HERC4: variants seen among roughly 807,000 people sequenced by gnomAD.
The protein encoded by HERC4 is probable E3 ubiquitin-protein ligase HERC4.
Under a neutral mutation model 124.3 loss-of-function variants are expected in HERC4, and 28 were observed. That is an observed-to-expected ratio of 0.23 (90% confidence interval 0.17 to 0.31). The LOEUF (loss-of-function observed/expected upper bound fraction) is 0.31. HERC4 is among the 10% of genes least tolerant of loss of function. The pLI is 1.00. For synonymous variants in HERC4, 407 were observed against 421.5 expected (o/e 0.97, Z 0.42); for missense variants, 713 against 1,229.3 (o/e 0.58, Z 6.28).
chr10:67,990,671 C>T (rs892454040), intron 13 of HERC4, among the ~76,000 whole-genome samples: 2 of 152,070 alleles, frequency 1.3e-5, no homozygotes, highest in African/African-American at 2.4e-5. Flanking sequence ...TATAACCATA[C>T]ACAAACTTAA....
intron 23 of HERC4, among the ~76,000 whole-genome samples, chr10:67,927,426 A>AT (rs2031223112): frequency 2.3e-4 from 2 of 8,868 alleles, no homozygotes; most frequent in African/African-American, 2.7e-4. Flanking sequence ...ATATATATAT[A>AT]TATATTTTTT....
At chr10:68,073,800 A>G (rs766369879) in intron 1 of HERC4, 114 bp from the exon 2 acceptor site, 2 of 152,212 alleles carry the variant, frequency 1.3e-5, no homozygotes, top group Non-Finnish European at 2.9e-5. Context: ...TTACCAAACC[A>G]TAATCTTAAA....
chr10:68,063,461 G>C (rs981855598), intron 3 of HERC4, among the ~76,000 whole-genome samples: 1 of 152,066 alleles, frequency 6.6e-6, no homozygotes, highest in African/African-American at 2.4e-5. Flanking sequence ...ACTTGTGTCA[G>C]CCTCCCAAAG....
intron 15 of HERC4, among the ~76,000 whole-genome samples, chr10:67,971,259 T>C (rs1450748116): frequency 6.6e-6 from 1 of 151,896 alleles, no homozygotes; most frequent in Non-Finnish European, 1.5e-5. Flanking sequence ...TTTCAGAAAA[T>C]AAAGAAGGAT....
At position 68,043,506 on chromosome 10, in the gene HERC4, T is replaced by TA. The variant is rs1408349866; in HGVS notation, c.386+897dup. ...TTTTTACCTATGTAATTCATGCTGT[T>TA]AGAGTTTTTAATATTAAAACAATGA... On this transcript the variant is annotated intron_variant, in intron 4 of 24. Coordinates refer to ENST00000373700, the MANE Select transcript of HERC4 (RefSeq NM_015601.4). Among the ~76,000 whole-genome samples the TA allele has an allele frequency of 2.0e-5, 3 of 152,268 alleles. No individual in the cohort carries two copies. In the South Asian group the frequency reaches 6.2e-4, roughly 32 times the overall value.
chr10:68,044,937 T>C (rs1185604537), intron 3 of HERC4, among the ~76,000 whole-genome samples: 1 of 152,114 alleles, frequency 6.6e-6, no homozygotes, highest in Non-Finnish European at 1.5e-5. Context: ...GAAGAAATCA[T>C]TTAAATAACC....
At chr10:68,046,914 C>T (rs759293968) in intron 3 of HERC4, among the ~76,000 whole-genome samples, 1 of 152,032 alleles carries the variant, frequency 6.6e-6, no homozygotes, top group Non-Finnish European at 1.5e-5. Context: ...GCTGTGATCA[C>T]GCCACTGTAT....
At chr10:67,986,877 T>C (rs2036292734) in intron 15 of HERC4, among the ~76,000 whole-genome samples, 1 of 152,148 alleles carries the variant, frequency 6.6e-6, no homozygotes. Context: ...TATGAACTTC[T>C]AGATCTAGGG....
chr10:68,036,959 G>C (rs1215254237), intron 5 of HERC4, among the ~76,000 whole-genome samples: 1 of 151,848 alleles, frequency 6.6e-6, no homozygotes, highest in Non-Finnish European at 1.5e-5. Context: ...TCTTTCACTA[G>C]ATTGTATGAT....
At chr10:67,952,793 G>C (rs938024644) in intron 19 of HERC4, among the ~76,000 whole-genome samples, 5 of 151,646 alleles carry the variant, frequency 3.3e-5, no homozygotes, top group Admixed American at 3.3e-4. Context: ...CCAGCTACTC[G>C]GGAGGCTGAG....
At chr10:68,070,620 A>T (rs1048677617) in intron 3 of HERC4, 10 of 151,664 alleles carry the variant, frequency 6.6e-5, no homozygotes, top group Admixed American at 3.3e-4. Flanking sequence ...AAAAAAAATA[A>T]AAATAAAAAT....
chr10:68,015,871 G>C (rs577895789), intron 8 of HERC4, among the ~76,000 whole-genome samples: 4 of 152,252 alleles, frequency 2.6e-5, no homozygotes, highest in African/African-American at 9.6e-5. Context: ...GGGAGACCGA[G>C]GCAGGTGGAT....
At chr10:68,044,302 G>A in intron 4 of HERC4, 102 bp downstream of exon 4, 10 of 1,073,544 alleles carry the variant, frequency 9.3e-6, no homozygotes, top group Non-Finnish European at 1.3e-5. Flanking sequence ...GAGAAATAAT[G>A]AGATGTCAAC....
intron 15 of HERC4, among the ~76,000 whole-genome samples, chr10:67,980,487 T>C (rs1259183894): frequency 6.6e-6 from 1 of 152,088 alleles, no homozygotes; most frequent in Non-Finnish European, 1.5e-5. Flanking sequence ...TTATCAACAC[T>C]AGACCTGTGG....
At chr10:67,945,377 A>G (rs7478614) in intron 19 of HERC4, among the ~76,000 whole-genome samples, 12,860 of 152,240 alleles carry the variant, frequency 0.084, 1,006 homozygotes, top group East Asian at 0.4. Context: ...AACATGAAGG[A>G]CAAATAAAGA....
At position 67,931,436 on chromosome 10, in the gene HERC4, G is replaced by A. The variant is rs578087892; in HGVS notation, c.2838+1161C>T. Among the ~76,000 whole-genome samples the A allele has an allele frequency of 1.8e-3, 277 of 152,194 alleles. 1 individual carries two copies. Among genetic ancestry groups the A allele is most frequent in the African/African-American group, 6.2e-3 (257 of 41,538 alleles). The stretch of plus-strand genomic sequence containing the variant: ...GGTTTTCCTAAGACTGAGGCAGAAC[G>A]AAAACCCATTCAGCTTTGGCTAGGG... On this transcript the variant is annotated intron_variant, in intron 23 of 24. Transcript: ENST00000373700.
At chr10:67,955,308 T>G in intron 17 of HERC4, 178 bp from the exon 18 acceptor site, 1 of 536,372 alleles carries the variant, frequency 1.9e-6, no homozygotes, top group Non-Finnish European at 3.2e-6. Context: ...GCATAAAGAG[T>G]ACCCTTTTGA....
intron 15 of HERC4, among the ~76,000 whole-genome samples, chr10:67,968,253 A>G (rs529636979): frequency 6.6e-6 from 1 of 152,190 alleles, no homozygotes; most frequent in South Asian, 2.1e-4. Context: ...TTCCCCCCAC[A>G]TCCTTGGCTA....
intron 16 of HERC4, among the ~76,000 whole-genome samples, chr10:67,960,489 G>T (rs183755576): frequency 2.3e-3 from 343 of 152,176 alleles, no homozygotes; most frequent in Admixed American, 3.8e-3. Flanking sequence ...GGGTTCAAGC[G>T]ATTCTCCTGC....
Sources: allele counts gnomAD v4.1 joint callset (sites outside exome capture counted in the v4.1 genomes callset), GRCh38; gene constraint gnomAD v4.1.1; transcripts MANE v1.5; gene names NCBI Gene and HGNC (gene_info 2026-07-23, HGNC 2026-07-21).